The following NELL1 variants were observed in gnomAD, a reference collection of about 807,000 sequenced individuals.
The protein encoded by NELL1 is neural EGFL like 1.
In NELL1, 76 loss-of-function variants were observed where a neutral mutation model predicts 107.4. The observed-to-expected ratio is 0.71, with a 90% confidence interval of 0.59 to 0.86. The LOEUF is 0.86. Among genes scored for constraint, NELL1 ranks in the 40% least tolerant of loss-of-function variants. The pLI is 0.00. For missense variants in NELL1, 1,024 were observed against 1,005.5 expected (o/e 1.02, Z -0.25); for synonymous variants, 353 against 341.2 (o/e 1.03, Z -0.38).
intron 12 of NELL1, among the ~76,000 whole-genome samples, chr11:21,084,144 CTT>C (rs1331188820): frequency 2.0e-5 from 3 of 152,072 alleles, no homozygotes; most frequent in Non-Finnish European, 4.4e-5. Context: ...GTAAGAGATG[CTT>C]TGTTTCCCTT....
intron 2 of NELL1, among the ~76,000 whole-genome samples, chr11:20,689,516 A>G: frequency 7.2e-6 from 1 of 138,744 alleles, no homozygotes; most frequent in Non-Finnish European, 1.5e-5. Flanking sequence ...ATTCCCATCT[A>G]TGAGTGAGAA....
At chr11:20,974,286 T>G (rs915340426) in intron 12 of NELL1, among the ~76,000 whole-genome samples, 3 of 152,190 alleles carry the variant, frequency 2.0e-5, no homozygotes, top group Non-Finnish European at 4.4e-5. Flanking sequence ...TGTCAGGCAT[T>G]GTGCTAATCA....
At chr11:21,302,971 G>A (rs1326601294) in intron 14 of NELL1, among the ~76,000 whole-genome samples, 1 of 151,868 alleles carries the variant, frequency 6.6e-6, no homozygotes, top group Non-Finnish European at 1.5e-5. Context: ...TGAAGCGGGA[G>A]GATCACTGGG....
chr11:20,886,498 G>A (rs1053246751), intron 5 of NELL1, among the ~76,000 whole-genome samples: 11 of 151,942 alleles, frequency 7.2e-5, no homozygotes, highest in Non-Finnish European at 1.5e-5. Context: ...GTACTTATAC[G>A]AAAGGAATTC....
intron 12 of NELL1, among the ~76,000 whole-genome samples, chr11:20,968,605 C>T (rs1193001619): frequency 4.6e-5 from 7 of 152,162 alleles, no homozygotes; most frequent in Non-Finnish European, 8.8e-5. Context: ...CACTACATGA[C>T]AAGAGGGTAG....
chr11:21,497,524 C>T (rs1855014534), intron 15 of NELL1, among the ~76,000 whole-genome samples: 4 of 151,924 alleles, frequency 2.6e-5, no homozygotes, highest in African/African-American at 7.3e-5. Flanking sequence ...ATTATGAAGT[C>T]AGTTATTTAT....
chr11:20,890,202 A>G, intron 5 of NELL1, among the ~76,000 whole-genome samples: 1 of 152,086 alleles, frequency 6.6e-6, no homozygotes, highest in East Asian at 1.9e-4. Flanking sequence ...CAGGCATGGG[A>G]GTGAAGCAGG....
chr11:21,119,961 C>T (rs934815736), intron 13 of NELL1, among the ~76,000 whole-genome samples: 1 of 152,090 alleles, frequency 6.6e-6, no homozygotes, highest in Admixed American at 6.6e-5. Context: ...AAGACAGATA[C>T]TTCACAGTAA....
intron 14 of NELL1, among the ~76,000 whole-genome samples, chr11:21,268,376 A>G (rs146633423): frequency 1.2e-4 from 19 of 152,304 alleles, no homozygotes; most frequent in Admixed American, 9.8e-4. Context: ...ATGCCAGAGC[A>G]TTCTGTTCTT....
intron 19 of NELL1, among the ~76,000 whole-genome samples, chr11:21,574,046 T>TCC (rs376397625): frequency 3.5e-4 from 53 of 151,916 alleles, no homozygotes; most frequent in African/African-American, 1.2e-3. Context: ...GACCATTCTC[T>TCC]CCCTTCAAAG....
chr11:21,286,003 T>C (rs561367875), intron 14 of NELL1, among the ~76,000 whole-genome samples: 2 of 152,154 alleles, frequency 1.3e-5, no homozygotes, highest in African/African-American at 4.8e-5. Context: ...TAGATAGAAA[T>C]GAGACAGAGA....
chr11:21,505,737 C>G (rs1464362588), intron 15 of NELL1, among the ~76,000 whole-genome samples: 2 of 152,210 alleles, frequency 1.3e-5, no homozygotes, highest in Non-Finnish European at 2.9e-5. Context: ...TAGTAGCTCC[C>G]TGCTCTTCTA....
chr11:21,160,700 A>G (rs1856344915), intron 13 of NELL1, among the ~76,000 whole-genome samples: 1 of 152,180 alleles, frequency 6.6e-6, no homozygotes. Context: ...GTTTTGAGCA[A>G]TGGATATTCT....
chr11:20,784,977 T>C (rs2133983781), intron 3 of NELL1, among the ~76,000 whole-genome samples: 1 of 152,344 alleles, frequency 6.6e-6, no homozygotes, highest in Admixed American at 6.5e-5. Context: ...TGTGTTAAGT[T>C]CACTGAATTA....
intron 4 of NELL1, among the ~76,000 whole-genome samples, chr11:20,854,501 A>G (rs945494887): frequency 2.0e-5 from 3 of 152,198 alleles, no homozygotes; most frequent in Non-Finnish European, 4.4e-5. Flanking sequence ...CTGAATTTAT[A>G]TGTGAGTTGG....
chr11:20,802,263 T>G (rs185708122), intron 3 of NELL1, among the ~76,000 whole-genome samples: 75 of 152,286 alleles, frequency 4.9e-4, no homozygotes, highest in African/African-American at 1.8e-3. Context: ...TTCACATTCT[T>G]TTATCAATGT....
At chr11:21,533,193 G>T (rs1343723731) in intron 15 of NELL1, among the ~76,000 whole-genome samples, 1 of 152,072 alleles carries the variant, frequency 6.6e-6, no homozygotes, top group African/African-American at 2.4e-5. Context: ...TCTTTACTTG[G>T]CCAGAATGCC....
chr11:20,748,653 A>C (rs1214563931), intron 2 of NELL1, among the ~76,000 whole-genome samples: 3 of 152,094 alleles, frequency 2.0e-5, no homozygotes, highest in African/African-American at 7.2e-5. Flanking sequence ...GTAAGAACTC[A>C]TGGTATTTTG....
chr11:21,249,940 G>GT (rs1363977923), intron 14 of NELL1, among the ~76,000 whole-genome samples: 4 of 152,164 alleles, frequency 2.6e-5, no homozygotes, highest in African/African-American at 9.6e-5. Context: ...CATTGGTGAT[G>GT]TTTTTTAAAA....
Sources: gnomAD v4.1 joint callset for allele counts (sites outside exome capture counted in the v4.1 genomes callset) on GRCh38, gnomAD v4.1.1 for gene constraint, MANE v1.5 for transcripts, NCBI Gene and HGNC (gene_info 2026-07-23, HGNC 2026-07-21) for gene names.